Variants in STX8 observed in about 807,000 individuals in gnomAD.
The protein encoded by STX8 is syntaxin-8.
In STX8, 23 loss-of-function variants were observed where a neutral mutation model predicts 37.5. That is an observed-to-expected ratio of 0.61 (90% CI 0.44 to 0.87). STX8 has a LOEUF of 0.87. Ranked by LOEUF, STX8 falls within the 40% of genes least tolerant of loss-of-function variation. The probability of loss-of-function intolerance (pLI) is 0.00; values close to 1 mark genes in which losing one functional copy is unlikely to be tolerated. For missense variants in STX8, 313 were observed against 284.7 expected (o/e 1.10, Z -0.71); for synonymous variants, 115 against 99.1 (o/e 1.16, Z -0.95).
In STX8 at chr17:9,501,948, G is replaced by A. The variant is rs150187740; in HGVS notation, c.448+3090C>T. On this transcript the variant is annotated intron_variant, in intron 5 of 7. Coordinates refer to ENST00000306357, the MANE Select transcript of STX8 (RefSeq NM_004853.3). ...TGCGTCACTGCACTCCAGCCTGGGC[G>A]ACAGAGCAAGACTCTGTCTCAAAAA... is the stretch of plus-strand genomic sequence containing the variant. Among the ~76,000 whole-genome samples, 747 of 152,146 alleles carry A rather than the reference G, an allele frequency of 4.9e-3. 1 individual carries two copies. Among genetic ancestry groups the A allele is most frequent in the Non-Finnish European group, 8.4e-3 (569 of 68,002 alleles).
intron 6 of STX8, chr17:9,464,730 T>G (rs980025549): frequency 4.0e-5 from 6 of 151,302 alleles, no homozygotes; most frequent in African/African-American, 1.5e-4. Context: ...TTGTTTTTTT[T>G]TTTTTTTTTT....
intron 7 of STX8, among the ~76,000 whole-genome samples, chr17:9,265,419 G>T (rs1907200072): frequency 6.6e-6 from 1 of 152,226 alleles, no homozygotes; most frequent in Non-Finnish European, 1.5e-5. Context: ...CACTGTGTAT[G>T]GGCCCACTGG....
At chr17:9,279,054 GTTT>G (rs201339409) in intron 7 of STX8, among the ~76,000 whole-genome samples, 49 of 105,744 alleles carry the variant, frequency 4.6e-4, no homozygotes, top group African/African-American at 1.6e-3. Context: ...CTGTGTGTGT[GTTT>G]TTTGTTTTTT....
At chr17:9,316,289 G>T (rs947055386) in intron 7 of STX8, among the ~76,000 whole-genome samples, 1 of 152,066 alleles carries the variant, frequency 6.6e-6, no homozygotes, top group Non-Finnish European at 1.5e-5. Context: ...AGTGATAAGT[G>T]TCTTTCTGAA....
chr17:9,406,297 T>C (rs1698009135), intron 6 of STX8, among the ~76,000 whole-genome samples: 1 of 152,196 alleles, frequency 6.6e-6, no homozygotes, highest in Non-Finnish European at 1.5e-5. Flanking sequence ...TTTATATTAT[T>C]GCACTAAACA....
In STX8 at chr17:9,467,729, G is replaced by A. The variant is rs544436775; in HGVS notation, c.541+24100C>T. Among the ~76,000 whole-genome samples, 13 of 152,254 alleles carry A rather than the reference G, an allele frequency of 8.5e-5. No individual in the cohort carries two copies. The East Asian group carries it at 1.9e-3, about 23-fold the overall frequency. On this transcript the variant is annotated intron_variant, in intron 6 of 7. Coordinates refer to ENST00000306357, the MANE Select transcript of STX8 (RefSeq NM_004853.3). ...CTTAATCCACTCTCCGGAGTGGCTC[G>A]GGGCATGGAAGAGAAGCAAGGAGCA...
At chr17:9,277,600 C>T (rs908479737) in intron 7 of STX8, among the ~76,000 whole-genome samples, 1 of 152,120 alleles carries the variant, frequency 6.6e-6, no homozygotes, top group African/African-American at 2.4e-5. Context: ...GACATTCAAA[C>T]AACCACACAA....
intron 4 of STX8, among the ~76,000 whole-genome samples, chr17:9,505,941 CA>C (rs11311287): frequency 0.76 from 76,973 of 101,482 alleles, 28,032 homozygotes; most frequent in East Asian, 0.93. Context: ...GACTCTGTCT[CA>C]AAAAAAAAAA....
chr17:9,387,672 C>A (rs1381384826), intron 6 of STX8, among the ~76,000 whole-genome samples: 1 of 152,202 alleles, frequency 6.6e-6, no homozygotes, highest in South Asian at 2.1e-4. Context: ...TGTACTTGGC[C>A]TTGTAGTTGA....
At chr17:9,411,572 T>C (rs1912978742) in intron 6 of STX8, among the ~76,000 whole-genome samples, 1 of 152,238 alleles carries the variant, frequency 6.6e-6, no homozygotes, top group Non-Finnish European at 1.5e-5. Context: ...AGTTCAGCTG[T>C]TTCCAAATTG....
intron 7 of STX8, among the ~76,000 whole-genome samples, chr17:9,317,189 G>C (rs1259736745): frequency 6.6e-6 from 1 of 152,144 alleles, no homozygotes. Context: ...AGAACCAGTG[G>C]TGAAAGAAAG....
intron 7 of STX8, among the ~76,000 whole-genome samples, chr17:9,318,104 T>C (rs1909449664): frequency 6.6e-6 from 1 of 152,194 alleles, no homozygotes; most frequent in African/African-American, 2.4e-5. Context: ...ATAGAAAAAC[T>C]GACTCTAGAG....
At position 9,417,763 on chromosome 17, in the gene STX8, G is replaced by A. The variant is rs547505370; in HGVS notation, c.542-39110C>T. Among the ~76,000 whole-genome samples, 34 of 152,136 alleles carry A rather than the reference G, an allele frequency of 2.2e-4. 1 individual carries two copies. Among genetic ancestry groups the A allele is most frequent in the Admixed American group, 4.6e-4 (7 of 15,270 alleles). ...CTGATGTCAATCACAAATGGCCAAC[G>A]ATGTAATCAATCATGCCTATGTAAT... is the stretch of plus-strand genomic sequence containing the variant. On this transcript the variant is annotated intron_variant, in intron 6 of 7. Transcript: ENST00000306357.
Position 9,572,764 on chromosome 17 carries a change from C to A in STX8, c.17+3028G>T, listed in dbSNP as rs537136030. On this transcript the variant is annotated intron_variant, in intron 1 of 7. Transcript: ENST00000306357. ...TCCTTTCTACCCCCCTAATCAGCGA[C>A]CCATTTTGTGCTTTGGGAGCACAGC... is the stretch of plus-strand genomic sequence containing the variant. Among the ~76,000 whole-genome samples the A allele has an allele frequency of 1.2e-3, 188 of 152,190 alleles. 2 individuals are homozygous for A. In the South Asian group the frequency reaches 0.015, roughly 12 times the overall value.
chr17:9,251,892 A>G (rs1906592515), intron 7 of STX8, among the ~76,000 whole-genome samples: 1 of 152,218 alleles, frequency 6.6e-6, no homozygotes, highest in African/African-American at 2.4e-5. Context: ...GGCTGGGTGC[A>G]GTGGCTCACA....
intron 6 of STX8, among the ~76,000 whole-genome samples, chr17:9,473,676 T>G (rs1905977297): frequency 6.6e-6 from 1 of 152,162 alleles, no homozygotes; most frequent in African/African-American, 2.4e-5. Context: ...AAAAAAAAAT[T>G]TGATTCTCAG....
intron 7 of STX8, among the ~76,000 whole-genome samples, chr17:9,301,219 G>C (rs1031157483): frequency 3.3e-5 from 5 of 152,010 alleles, no homozygotes; most frequent in Non-Finnish European, 7.4e-5. Flanking sequence ...TTATTATTTA[G>C]CATGATAATA....
intron 7 of STX8, among the ~76,000 whole-genome samples, chr17:9,297,224 C>T (rs1484346430): frequency 7.9e-6 from 1 of 126,282 alleles, no homozygotes; most frequent in Admixed American, 9.2e-5. Flanking sequence ...AGTCTGATAG[C>T]ATATGCCCAG....
At chr17:9,307,241 T>G (rs1012147573) in intron 7 of STX8, among the ~76,000 whole-genome samples, 2 of 151,990 alleles carry the variant, frequency 1.3e-5, no homozygotes, top group Non-Finnish European at 1.5e-5. Context: ...TTTTTTGCCA[T>G]CCCCCCCACC....
Sources: allele counts gnomAD v4.1 joint callset (sites outside exome capture counted in the v4.1 genomes callset), GRCh38; gene constraint gnomAD v4.1.1; transcripts MANE v1.5; gene names NCBI Gene and HGNC (gene_info 2026-07-23, HGNC 2026-07-21).